Variants in RASSF8 observed in about 807,000 individuals in gnomAD.
RASSF8 encodes the protein ras association domain-containing protein 8.
RASSF8 carries 22 observed loss-of-function variants against 48.5 expected under a neutral mutation model. The observed-to-expected ratio is 0.45, with a 90% CI of 0.32 to 0.65. The LOEUF is 0.65. Ranked by LOEUF, RASSF8 falls within the 30% of genes least tolerant of loss-of-function variation. The pLI is 0.03. For synonymous variants in RASSF8, 127 were observed against 171.5 expected, an observed-to-expected ratio of 0.74 and a Z score of 2.03; for missense variants, 418 against 489.2, an observed-to-expected ratio of 0.85 and a Z score of 1.37.
chr12:26,065,502 T>A, intron 4 of RASSF8, 115 bp downstream of exon 4: 1 of 1,364,444 alleles, frequency 7.3e-7, no homozygotes, highest in African/African-American at 1.5e-5. Context: ...AAACCCAGCC[T>A]TGTTTAAAAC....
At position 25,962,917 on chromosome 12, in the gene RASSF8, T is replaced by C. The variant is rs1941270323; in HGVS notation, c.-203+3769T>C. Among the ~76,000 whole-genome samples, 4 of 152,244 alleles carry C rather than the reference T, an allele frequency of 2.6e-5. 1 individual carries two copies. The South Asian group carries it at 8.3e-4, about 32-fold the overall frequency. ...CGTAGTAATAAATTGAGACACCTTT[T>C]AATTAGTGTTACCCTTGTGACTTTC... On this transcript the variant is annotated intron_variant, in intron 1 of 5. Coordinates refer to ENST00000689635, the MANE Select transcript of RASSF8 (RefSeq NM_001394098.1).
intron 2 of RASSF8, among the ~76,000 whole-genome samples, chr12:26,025,597 G>A (rs1942893839): frequency 6.8e-6 from 1 of 147,906 alleles, no homozygotes. Flanking sequence ...AGATTGGAAA[G>A]GAAAAAGAAC....
At chr12:25,996,504 A>T (rs1942137305) in intron 2 of RASSF8, among the ~76,000 whole-genome samples, 2 of 152,124 alleles carry the variant, frequency 1.3e-5, no homozygotes, top group Non-Finnish European at 2.9e-5. Flanking sequence ...TGAACATTTT[A>T]GTTGTTTTGT....
At chr12:25,989,257 G>A (rs957867336) in intron 1 of RASSF8, among the ~76,000 whole-genome samples, 2 of 152,168 alleles carry the variant, frequency 1.3e-5, no homozygotes, top group Non-Finnish European at 2.9e-5. Context: ...GGGCTTCCTT[G>A]ATGTAAACCT....
chr12:25,990,208 T>G (rs1941982931), intron 1 of RASSF8, among the ~76,000 whole-genome samples: 3 of 152,244 alleles, frequency 2.0e-5, no homozygotes, highest in Non-Finnish European at 4.4e-5. Context: ...TACAGCCATA[T>G]ATAAGCATAA....
chr12:26,041,341 G>A (rs185316190), intron 2 of RASSF8, among the ~76,000 whole-genome samples: 101 of 152,140 alleles, frequency 6.6e-4, no homozygotes, highest in Non-Finnish European at 1.8e-4. Flanking sequence ...TTTCTTAGAG[G>A]TCTGTACTAT....
chr12:26,053,918 A>G (rs1943547232), intron 2 of RASSF8, among the ~76,000 whole-genome samples: 1 of 152,216 alleles, frequency 6.6e-6, no homozygotes, highest in Admixed American at 6.5e-5. Context: ...TGACTTACCT[A>G]TCCAGGTGAC....
intron 1 of RASSF8, among the ~76,000 whole-genome samples, chr12:25,989,772 G>T (rs1471373920): frequency 1.3e-5 from 2 of 151,934 alleles, no homozygotes; most frequent in Non-Finnish European, 2.9e-5. Flanking sequence ...AGTTTATTAG[G>T]TCAAGGGTGT....
Position 26,065,367 on chromosome 12 carries a change from C to T in RASSF8, c.973C>T (p.Gln325Ter). ...GIKAVERSLG[Q>*]ATKRLQDKEQ... ...CAAAGCTGTGGAAAGATCTCTTGGACAAGCCACCAAACGCTTACAGGTAGG... is the reference window on the plus strand; with the variant it reads ...CAAAGCTGTGGAAAGATCTCTTGGATAAGCCACCAAACGCTTACAGGTAGG... The change falls in exon 4 of 6, where the codon CAA (glutamine) becomes TAA (stop). Residue 325 changes from glutamine to a stop codon, truncating the protein, a stop_gained. Transcript: ENST00000689635. LOFTEE classifies it high-confidence loss of function. 1 of 1,612,178 alleles carries T rather than the reference C, an allele frequency of 6.2e-7. No homozygotes were observed.
intron 4 of RASSF8, among the ~76,000 whole-genome samples, chr12:26,066,975 T>C (rs1943889337): frequency 6.6e-6 from 1 of 152,264 alleles, no homozygotes; most frequent in South Asian, 2.1e-4. Context: ...AATTCCATAG[T>C]GAGAATCTTG....
chr12:26,062,864 GT>G (rs1376518100), intron 3 of RASSF8, among the ~76,000 whole-genome samples: 1 of 151,880 alleles, frequency 6.6e-6, no homozygotes, highest in African/African-American at 2.4e-5. Flanking sequence ...TCTGCGAAGC[GT>G]TTTAGAAGGG....
At chr12:26,012,340 A>G (rs10771255) in intron 2 of RASSF8, among the ~76,000 whole-genome samples, 57,028 of 152,174 alleles carry the variant, frequency 0.37, 11,343 homozygotes, top group Non-Finnish European at 0.45. Context: ...CAGGCATTTA[A>G]TATTTAAAAA....
chr12:26,073,792 T>TTATATC (rs5797161), downstream of RASSF8, among the ~76,000 whole-genome samples: 1 of 139,696 alleles, frequency 7.2e-6, no homozygotes, highest in African/African-American at 2.8e-5. Flanking sequence ...TATATACACA[T>TTATATC]TATGTATACA....
intron 1 of RASSF8, among the ~76,000 whole-genome samples, chr12:25,976,451 C>A (rs1344454974): frequency 6.6e-6 from 1 of 152,198 alleles, no homozygotes; most frequent in Non-Finnish European, 1.5e-5. Flanking sequence ...TGATTGGTTG[C>A]TTCTTCTTTT....
chr12:25,963,306 ATTCC>A (rs1218076094), intron 1 of RASSF8, among the ~76,000 whole-genome samples: 1 of 125,054 alleles, frequency 8.0e-6, no homozygotes, highest in Non-Finnish European at 1.6e-5. Context: ...TCACTAAAGC[ATTCC>A]TTGTTTTAGC....
rs189858343 is a variant in RASSF8 at position 25,986,645 on chromosome 12, G to A, written c.-202-8392G>A. On this transcript the variant is annotated intron_variant, in intron 1 of 5. Coordinates refer to ENST00000689635, the MANE Select transcript of RASSF8 (RefSeq NM_001394098.1). ...TCTTTCAGCTGCTCCTCTTAACCCA[G>A]TTTCCCTCTAAATTGTGTAGGGACT... 3.0e-3 allele frequency among the ~76,000 whole-genome samples: 460 copies of A among 152,226 alleles called. 2 individuals are homozygous for A. The highest frequency in any genetic ancestry group is 9.3e-3 in the African/African-American group (385 of 41,536).
chr12:25,990,254 C>T (rs989803677), intron 1 of RASSF8, among the ~76,000 whole-genome samples: 2 of 152,120 alleles, frequency 1.3e-5, no homozygotes, highest in African/African-American at 2.4e-5. Flanking sequence ...GGATATCCAC[C>T]AGCCATTAGT....
intron 2 of RASSF8, among the ~76,000 whole-genome samples, chr12:26,028,193 C>T (rs1194141345): frequency 7.9e-6 from 1 of 126,990 alleles, no homozygotes; most frequent in Non-Finnish European, 1.9e-5. Flanking sequence ...CTCAGAACTT[C>T]ATTTTCTTTC....
At chr12:25,973,871 A>C (rs771140694) in intron 1 of RASSF8, 2 of 152,204 alleles carry the variant, frequency 1.3e-5, no homozygotes, top group Admixed American at 1.3e-4. Flanking sequence ...TGTGAGAAAT[A>C]CAAGTTTCTG....
Sources: allele counts gnomAD v4.1 joint callset (sites outside exome capture counted in the v4.1 genomes callset), GRCh38; gene constraint gnomAD v4.1.1; transcripts MANE v1.5; gene names NCBI Gene and HGNC (gene_info 2026-07-23, HGNC 2026-07-21).